MYO19: variants seen among roughly 807,000 people sequenced by gnomAD.
MYO19 encodes unconventional myosin-XIX.
A neutral mutation model predicts 129.2 loss-of-function variants in MYO19; 132 were observed. That is an observed-to-expected ratio of 1.02 (90% CI 0.89 to 1.18). The LOEUF is 1.18. Among genes scored for constraint, MYO19 ranks in the 50% most tolerant of loss-of-function variants. The probability of loss-of-function intolerance (pLI) is 0.00; values close to 1 mark genes in which losing one functional copy is unlikely to be tolerated. For synonymous variants in MYO19, 531 were observed against 477.2 expected (o/e 1.11, Z -1.47); for missense variants, 1,210 against 1,216.7 (o/e 0.99, Z 0.08).
At chr17:36,536,524 CTTTTTTTTTTTT>C (rs10715370), upstream of MYO19, among the ~76,000 whole-genome samples, 1 of 125,532 alleles carries the variant, frequency 8.0e-6, no homozygotes, top group South Asian at 2.5e-4. Flanking sequence ...TTTTCTTTTC[CTTTTTTTTTTTT>C]TTTTTTTGAG....
chr17:36,526,170 A>G (rs553326264), intron 5 of MYO19, among the ~76,000 whole-genome samples: 1 of 152,294 alleles, frequency 6.6e-6, no homozygotes, highest in African/African-American at 2.4e-5. Context: ...CAAAGCCTCC[A>G]ACTGTTGTCT....
chr17:36,496,219 A>T lies in MYO19; in HGVS notation c.*32T>A. Reference sequence around the variant, plus strand: ...TGTCTTTGGCAAGGCAGGGGGCAGGAAAAGGCCTTGTGGAAACAAAGGCAC... The same window carrying T: ...TGTCTTTGGCAAGGCAGGGGGCAGGTAAAGGCCTTGTGGAAACAAAGGCAC... On this transcript the variant is annotated 3_prime_UTR_variant, in exon 26 of 26. Coordinates refer to ENST00000614623, the MANE Select transcript of MYO19 (RefSeq NM_001163735.2). 4 of 1,610,494 alleles carry T rather than the reference A, an allele frequency of 2.5e-6. No individual in the cohort carries two copies. Among genetic ancestry groups the T allele is most frequent in the Non-Finnish European group, 3.4e-6 (4 of 1,177,434 alleles).
At chr17:36,529,975 A>G (rs553613411) in intron 3 of MYO19, among the ~76,000 whole-genome samples, 35 of 152,214 alleles carry the variant, frequency 2.3e-4, no homozygotes, top group Admixed American at 5.9e-4. Context: ...CTTGGGCCTA[A>G]AAGTTCGAGG....
intron 5 of MYO19, among the ~76,000 whole-genome samples, chr17:36,525,771 A>G (rs531151357): frequency 2.6e-4 from 39 of 152,244 alleles, no homozygotes; most frequent in Non-Finnish European, 5.1e-4. Flanking sequence ...AAGGCCACTC[A>G]GCAAGTAAGT....
chr17:36,538,052 G>C (rs756600566), upstream of MYO19: 1 of 1,614,124 alleles, frequency 6.2e-7, no homozygotes, highest in Non-Finnish European at 8.5e-7. Context: ...CAATACACAT[G>C]GCTGGTGTGC....
chr17:36,512,631 G>A, intron 11 of MYO19: 1 of 1,288,224 alleles, frequency 7.8e-7, no homozygotes, highest in Non-Finnish European at 1.0e-6. Flanking sequence ...CTTGTCCCCA[G>A]GTACTGTCCT....
At chr17:36,540,026 G>A (rs1443577674) in intron 2 of MYO19, among the ~76,000 whole-genome samples, 1 of 151,846 alleles carries the variant, frequency 6.6e-6, no homozygotes, top group Non-Finnish European at 1.5e-5. Flanking sequence ...ACGTTGGGAG[G>A]GCACCAAGCA....
rs2071964367 is a variant in MYO19, at chr17:36,507,154, CAG to C, written c.1468-17_1468-16del. 1.3e-6 allele frequency: 2 copies of C among 1,592,544 alleles called. No individual in the cohort carries two copies. Among genetic ancestry groups the C allele is most frequent in the South Asian group, 1.1e-5 (1 of 89,282 alleles). ...AGGCGGCATTCCTGTGGGATGGGAACAGGGGGTCAGCCACCAACATGAGAGTG... is the reference window on the plus strand; with the variant it reads ...AGGCGGCATTCCTGTGGGATGGGAACGGGGTCAGCCACCAACATGAGAGTG... On this transcript the variant is annotated splice_polypyrimidine_tract_variant and intron_variant, in intron 16 of 25. Transcript: ENST00000614623.
At chr17:36,511,328 T>C in intron 12 of MYO19, 37 bp downstream of exon 12, 1 of 1,551,546 alleles carries the variant, frequency 6.4e-7, no homozygotes, top group South Asian at 1.2e-5. Flanking sequence ...GCTACCTTCC[T>C]GACAGGGCCT....
chr17:36,504,410 G>A (rs1207213554), intron 19 of MYO19: 3 of 190,144 alleles, frequency 1.6e-5, no homozygotes, highest in African/African-American at 7.0e-5. Flanking sequence ...GAGAGGCAGG[G>A]AAGATTATAC....
intron 18 of MYO19, among the ~76,000 whole-genome samples, chr17:36,505,805 C>G (rs1269897877): frequency 6.6e-6 from 1 of 152,232 alleles, no homozygotes. Flanking sequence ...GGCTGTGCCA[C>G]AGGCTGCCTG....
exon 1 of MYO19, chr17:36,543,272 C>A (rs1417766045): frequency 6.6e-6 from 1 of 152,118 alleles, no homozygotes; most frequent in Non-Finnish European, 1.5e-5. Flanking sequence ...TCTCTTGCCT[C>A]AGCCTCCCGA....
rs968912623 is a variant in MYO19 at position 36,498,430 on chromosome 17, G to A, written c.2593C>T (p.Pro865Ser). ...RLLEAIIRLWPLGLVLANTAM... is the reference protein window; with the variant it reads ...RLLEAIIRLWSLGLVLANTAM... ...GTATTGGCCAGGACCAGTCCCAGGG[G>A]CCAGAGGCGGATTATTGCCTCCAGG... Residue 865 changes from proline (P) to serine (S), a missense_variant, in exon 25 of 26, where the codon CCC (proline) becomes TCC (serine). By Grantham distance (74) the Pro-to-Ser change is moderately conservative. Transcript: ENST00000614623. The A allele has an allele frequency of 5.6e-6, 9 of 1,614,014 alleles. No individual in the cohort carries two copies. Among genetic ancestry groups the A allele is most frequent in the Non-Finnish European group, 7.6e-6 (9 of 1,179,884 alleles).
chr17:36,498,208 G>A (rs1330718047), intron 25 of MYO19, 58 bp downstream of exon 25: 2 of 1,553,984 alleles, frequency 1.3e-6, no homozygotes, highest in Non-Finnish European at 1.7e-6. Flanking sequence ...TGAACTTGTA[G>A]GCTTTGCTCC....
chr17:36,519,902 A>G (rs1416044405), intron 6 of MYO19, among the ~76,000 whole-genome samples: 1 of 152,166 alleles, frequency 6.6e-6, no homozygotes, highest in African/African-American at 2.4e-5. Flanking sequence ...TGTCACTTTT[A>G]TCTGTGGGCT....
chr17:36,528,255 T>C (rs1287089176), intron 3 of MYO19, 53 bp from the exon 4 acceptor site: 2 of 1,526,640 alleles, frequency 1.3e-6, no homozygotes, highest in Non-Finnish European at 1.8e-6. Context: ...ATGCCTATAA[T>C]CCCAGCACTC....
chr17:36,518,614 A>G (rs747898279), intron 6 of MYO19, among the ~76,000 whole-genome samples: 1 of 143,808 alleles, frequency 7.0e-6, no homozygotes. Flanking sequence ...AAGTATGTAT[A>G]TATATGTCTC....
In MYO19 at chr17:36,528,086, C is replaced by T; in HGVS notation, c.129G>A (p.Val43=). Residue 43 remains valine (V), a synonymous_variant, in exon 4 of 26, where the codon GTG becomes GTA. Coordinates refer to ENST00000614623, the MANE Select transcript of MYO19 (RefSeq NM_001163735.2). ...LLYKLDDLTR[V]NPVTLETVLR... is the part of the protein sequence containing the mutation. ...TACCTGTCTCTAGTGTCACAGGATTCACCCTGGTGAGGTCATCCAGTTTGT... is the reference window on the plus strand; with the variant it reads ...TACCTGTCTCTAGTGTCACAGGATTTACCCTGGTGAGGTCATCCAGTTTGT... 1 of 1,613,822 alleles carries T rather than the reference C, an allele frequency of 6.2e-7. No individual in the cohort carries two copies. Among genetic ancestry groups the T allele is most frequent in the Non-Finnish European group, 8.5e-7 (1 of 1,179,754 alleles).
intron 19 of MYO19, chr17:36,504,912 CAAAAAAAA>C (rs35146983): frequency 1.6e-5 from 3 of 188,406 alleles, no homozygotes; most frequent in South Asian, 5.1e-5. Flanking sequence ...GGCTCAGTCT[CAAAAAAAA>C]AAAAAAAAAA....
Sources: allele counts gnomAD v4.1 joint callset (sites outside exome capture counted in the v4.1 genomes callset), GRCh38; gene constraint gnomAD v4.1.1; transcripts MANE v1.5; gene names NCBI Gene and HGNC (gene_info 2026-07-23, HGNC 2026-07-21).